POLR3GL: variants seen among roughly 807,000 people sequenced by gnomAD.
The protein encoded by POLR3GL is RNA polymerase III subunit GL.
POLR3GL carries 26 observed loss-of-function variants against 32.4 expected under a neutral mutation model. The ratio of observed to expected loss-of-function variants is 0.80; its 90% CI spans 0.59 to 1.11. The LOEUF is 1.11. Ranked by LOEUF, POLR3GL falls within the 50% of genes most tolerant of loss-of-function variation. The pLI, the probability that POLR3GL is intolerant of heterozygous loss-of-function variation, is 0.00. For synonymous variants in POLR3GL, 95 were observed against 98.7 expected, an observed-to-expected ratio of 0.96 and a Z score of 0.22; for missense variants, 229 against 280.1, an observed-to-expected ratio of 0.82 and a Z score of 1.30.
intron 5 of POLR3GL, 101 bp from the exon 6 acceptor site, chr1:145,977,677 C>G (rs1650624512): frequency 7.5e-7 from 1 of 1,332,262 alleles, no homozygotes; most frequent in African/African-American, 1.4e-5. Context: ...GTCATAGTGG[C>G]CACATGAGGG....
chr1:145,977,702 GTTC>G, intron 5 of POLR3GL, 73 bp from the exon 6 acceptor site: 1 of 1,425,552 alleles, frequency 7.0e-7, no homozygotes, highest in Non-Finnish European at 9.9e-7. Flanking sequence ...AGAGTGACAT[GTTC>G]TTTGCATGAG....
Position 145,966,566 on chromosome 1 carries a change from T to G in POLR3GL, c.-42+1798T>G, listed in dbSNP as rs1181823924. Among the ~76,000 whole-genome samples the G allele has an allele frequency of 2.0e-5, 3 of 149,428 alleles. No homozygotes were observed. The East Asian group carries it at 5.9e-4, about 29-fold the overall frequency. ...ACTTTGTGAGGCCAAGGCGGGTGGA[T>G]CACGAAGTCAGGAGTACAAGACCAG... On this transcript the variant is annotated intron_variant, in intron 1 of 7. Transcript: ENST00000369314.
At chr1:145,978,340 C>CTTTTTTT in intron 7 of POLR3GL, 21 bp from the exon 8 acceptor site, 2 of 1,359,922 alleles carry the variant, frequency 1.5e-6, no homozygotes, top group Non-Finnish European at 2.1e-6. Context: ...TTGACTTTTA[C>CTTTTTTT]TTTTTTTTTT....
At chr1:145,976,093 G>A (rs1553763370) in intron 3 of POLR3GL, among the ~76,000 whole-genome samples, 3 of 152,018 alleles carry the variant, frequency 2.0e-5, no homozygotes, top group Non-Finnish European at 2.9e-5. Flanking sequence ...TAGCCAATAC[G>A]GTGAAACCCT....
intron 1 of POLR3GL, among the ~76,000 whole-genome samples, chr1:145,973,985 A>G (rs1650441421): frequency 2.1e-5 from 3 of 145,086 alleles, no homozygotes; most frequent in Admixed American, 6.9e-5. Flanking sequence ...AAAAAAAAAG[A>G]GCCAGGCATG....
chr1:145,970,813 T>C (rs1553762539), intron 1 of POLR3GL, among the ~76,000 whole-genome samples: 2 of 134,610 alleles, frequency 1.5e-5, no homozygotes, highest in Non-Finnish European at 3.1e-5. Context: ...GAGGCGGAGG[T>C]TGCAGTGAGC....
chr1:145,976,224 T>C (rs1570999936), intron 3 of POLR3GL, among the ~76,000 whole-genome samples: 5 of 150,420 alleles, frequency 3.3e-5, no homozygotes, highest in Admixed American at 3.3e-4. Flanking sequence ...GAGGTGGAGG[T>C]TGCAGTGAGC....
At chr1:145,968,259 T>G (rs1370109666) in intron 1 of POLR3GL, among the ~76,000 whole-genome samples, 1 of 152,182 alleles carries the variant, frequency 6.6e-6, no homozygotes, top group East Asian at 1.9e-4. Context: ...ATCACAATCT[T>G]TAATAGCAGA....
chr1:145,975,029 CCCTGG>C (rs782618934), intron 2 of POLR3GL, 38 bp downstream of exon 2: 1 of 1,502,480 alleles, frequency 6.7e-7, no homozygotes, highest in Non-Finnish European at 8.9e-7. Flanking sequence ...TCTCATGTGC[CCCTGG>C]CTGACTGTAC....
chr1:145,977,847 T>C lies in POLR3GL; in HGVS notation c.452T>C (p.Leu151Pro). The C allele has an allele frequency of 6.2e-7, 1 of 1,613,888 alleles. No individual in the cohort carries two copies. The highest frequency in any genetic ancestry group is 8.5e-7 in the Non-Finnish European group (1 of 1,179,804). The change falls in exon 6 of 8, where the codon CTA becomes CCA. Residue 151 changes from leucine to proline, a missense_variant. Leu to Pro is a moderately conservative substitution (Grantham distance 98, BLOSUM62 -3). Coordinates refer to ENST00000369314, the MANE Select transcript of POLR3GL (RefSeq NM_032305.3). Reference sequence around the variant, plus strand: ...GATAAGGAGGAAACAATACAGAAACTAGAGGTGAGGAGGAAGTGTGCATAG... The same window carrying C: ...GATAAGGAGGAAACAATACAGAAACCAGAGGTGAGGAGGAAGTGTGCATAG... ...TEDKEETIQK[L>P]ETLEKKEEEV...
rs781983413 is a variant in POLR3GL, at chr1:145,975,320, G to A, written c.140G>A (p.Arg47His). ...CTGCCTCTTTAGCCCTTGGAGTTCC[G>A]CCCAGTACCTTTGCCCTCAGGCGAG... ...PSPLFPPLEF[R>H]PVPLPSGEEG... Residue 47 changes from arginine to histidine, a missense_variant, in exon 3 of 8, where the codon CGC becomes CAC. Transcript: ENST00000369314. The A allele has an allele frequency of 5.1e-5, 83 of 1,614,014 alleles. No homozygotes were observed. The highest frequency in any genetic ancestry group is 4.3e-4 in the South Asian group (39 of 91,076).
Position 145,977,774 on chromosome 1 carries a change from C to T in POLR3GL, c.383-4C>T, listed in dbSNP as rs1553763726. The T allele has an allele frequency of 6.2e-7, 1 of 1,613,372 alleles. No individual in the cohort carries two copies. Among genetic ancestry groups the T allele is most frequent in the Admixed American group, 1.7e-5 (1 of 59,996 alleles). On this transcript the variant is annotated splice_region_variant and splice_polypyrimidine_tract_variant and intron_variant, in intron 5 of 7. Coordinates refer to ENST00000369314, the MANE Select transcript of POLR3GL (RefSeq NM_032305.3). ...GAAGGTTTACCTTTTGATCCCTCCA[C>T]CAGGGATTACAATTCTGCTCCCCAA...
chr1:145,965,985 G>A lies in POLR3GL; in HGVS notation c.-42+1217G>A, dbSNP rs1201709879. On this transcript the variant is annotated intron_variant, in intron 1 of 7. Transcript: ENST00000369314. Reference sequence around the variant, plus strand: ...ACAAAAATTAGCTGGGCGTGTTGGCGCATGCCTGTAATCCCAGCTACTGGG... The same window carrying A: ...ACAAAAATTAGCTGGGCGTGTTGGCACATGCCTGTAATCCCAGCTACTGGG... Among the ~76,000 whole-genome samples the A allele has an allele frequency of 2.0e-5, 3 of 151,548 alleles. No individual in the cohort carries two copies. The South Asian group carries it at 6.2e-4, about 32-fold the overall frequency.
intron 1 of POLR3GL, among the ~76,000 whole-genome samples, chr1:145,967,228 G>A (rs1274358843): frequency 6.6e-6 from 1 of 150,916 alleles, no homozygotes; most frequent in African/African-American, 2.4e-5. Context: ...AAGCTGGAGT[G>A]CAGTGGTGAG....
intron 1 of POLR3GL, among the ~76,000 whole-genome samples, chr1:145,971,425 A>G (rs1283797337): frequency 6.6e-6 from 1 of 152,000 alleles, no homozygotes; most frequent in Admixed American, 6.6e-5. Flanking sequence ...GATGACTGAC[A>G]GTTTTGAGGA....
chr1:145,967,102 A>T (rs1553762151), intron 1 of POLR3GL, among the ~76,000 whole-genome samples: 1 of 151,784 alleles, frequency 6.6e-6, no homozygotes. Context: ...TTGAAAAAAA[A>T]CTCATGACAG....
At chr1:145,977,332 C>G (rs1650603532) in intron 4 of POLR3GL, 151 bp from the exon 5 acceptor site, 2 of 852,658 alleles carry the variant, frequency 2.3e-6, no homozygotes, top group East Asian at 5.2e-5. Flanking sequence ...ATAGTTCCCA[C>G]TACTCAGGAG....
rs182184382 is a variant in POLR3GL at position 145,972,030 on chromosome 1, G to A, written c.-41-2795G>A. Among the ~76,000 whole-genome samples the A allele has an allele frequency of 3.0e-3, 391 of 128,538 alleles. 3 individuals are homozygous for A. Among genetic ancestry groups the A allele is most frequent in the Middle Eastern group, 9.0e-3 (2 of 222 alleles). 84.3% of individuals were successfully genotyped at this position (128,538 alleles called of 152,430 possible). On this transcript the variant is annotated intron_variant, in intron 1 of 7. Coordinates refer to ENST00000369314, the MANE Select transcript of POLR3GL (RefSeq NM_032305.3). ...TATATATACGTGTGTGTGTGTGTGT[G>A]TATATATATAGAGAGAGAGAGAGAG...
Position 145,978,457 on chromosome 1 carries a change from CTG to C in POLR3GL, c.*11_*12del. 6.4e-7 allele frequency: 1 copy of C among 1,551,242 alleles called. No individual in the cohort carries two copies. Among genetic ancestry groups the C allele is most frequent in the South Asian group, 1.1e-5 (1 of 89,452 alleles). On this transcript the variant is annotated 3_prime_UTR_variant, in exon 8 of 8. Transcript: ENST00000369314. The stretch of plus-strand genomic sequence containing the variant: ...CGAGGCTATATACTGAAGAAGGACT[CTG>C]GACCCTCGTGTCTTTCTTTAGGATA...
Sources: allele counts gnomAD v4.1 joint callset (sites outside exome capture counted in the v4.1 genomes callset), GRCh38; gene constraint gnomAD v4.1.1; transcripts MANE v1.5; gene names NCBI Gene and HGNC (gene_info 2026-07-23, HGNC 2026-07-21).